Variants in ANKS1B observed in about 807,000 individuals in gnomAD.
ANKS1B encodes the protein ankyrin repeat and sterile alpha motif domain containing 1B.
ANKS1B carries 36 observed loss-of-function variants against 148.3 expected under a neutral mutation model. The observed-to-expected ratio is 0.24, with a 90% confidence interval of 0.19 to 0.32. The LOEUF is 0.32. Among genes scored for constraint, ANKS1B ranks in the 10% least tolerant of loss-of-function variants. ANKS1B has a pLI of 1.00. For missense variants in ANKS1B, 1,157 were observed against 1,542.6 expected, an observed-to-expected ratio of 0.75 and a Z score of 4.19; for synonymous variants, 542 against 560.8, an observed-to-expected ratio of 0.97 and a Z score of 0.47.
At chr12:99,290,117 G>A (rs982021325) in intron 12 of ANKS1B, among the ~76,000 whole-genome samples, 2 of 151,734 alleles carry the variant, frequency 1.3e-5, no homozygotes, top group South Asian at 2.1e-4. Flanking sequence ...TCAAATGATC[G>A]TTAGAGAATT....
Position 99,406,699 on chromosome 12 carries a change from G to T in ANKS1B, c.1576-6888C>A, listed in dbSNP as rs1320878596. Among the ~76,000 whole-genome samples, 6 of 145,676 alleles carry T rather than the reference G, an allele frequency of 4.1e-5. 1 individual carries two copies. The highest frequency in any genetic ancestry group is 1.6e-4 in the African/African-American group (6 of 38,550). ...CAGAAATAGATAAAATTGAAACAAA[G>T]AAAATACCATAAATGCTAAATAAAA... On this transcript the variant is annotated intron_variant, in intron 11 of 26. Coordinates refer to ENST00000683438, the MANE Select transcript of ANKS1B (RefSeq NM_001352186.2).
intron 1 of ANKS1B, among the ~76,000 whole-genome samples, chr12:99,888,031 C>A (rs1159095351): frequency 1.3e-5 from 2 of 152,136 alleles, no homozygotes; most frequent in African/African-American, 4.8e-5. Context: ...CAGAATTCAT[C>A]CAAGAAACAG....
chr12:99,128,756 T>C (rs2065179925), intron 15 of ANKS1B, among the ~76,000 whole-genome samples: 2 of 152,168 alleles, frequency 1.3e-5, no homozygotes. Flanking sequence ...TGTCACTGTT[T>C]GTGGTAGAAA....
chr12:99,918,846 C>G (rs1355259397), intron 1 of ANKS1B, among the ~76,000 whole-genome samples: 1 of 152,096 alleles, frequency 6.6e-6, no homozygotes, highest in African/African-American at 2.4e-5. Context: ...TAGCATGTAT[C>G]TATAAACACG....
chr12:99,532,141 T>G (rs750928753), intron 9 of ANKS1B, among the ~76,000 whole-genome samples: 3 of 152,208 alleles, frequency 2.0e-5, no homozygotes, highest in Non-Finnish European at 4.4e-5. Flanking sequence ...TCCCATTCTG[T>G]AGGTTGTCTG....
At chr12:99,749,258 A>C (rs1469438898) in intron 8 of ANKS1B, among the ~76,000 whole-genome samples, 1 of 152,082 alleles carries the variant, frequency 6.6e-6, no homozygotes, top group Non-Finnish European at 1.5e-5. Context: ...AATGTGATCA[A>C]ACTTAGAAAT....
Position 99,524,652 on chromosome 12 carries a change from G to T in ANKS1B, c.1273-20011C>A, listed in dbSNP as rs181771371. ...CTGGGTAATTTATAAAGAAAAAGAAGTTTAATGGACTCACAGTCCCATGTT... is the reference window on the plus strand; with the variant it reads ...CTGGGTAATTTATAAAGAAAAAGAATTTTAATGGACTCACAGTCCCATGTT... On this transcript the variant is annotated intron_variant, in intron 9 of 26. Transcript: ENST00000683438. Among the ~76,000 whole-genome samples the T allele has an allele frequency of 3.6e-3, 553 of 152,292 alleles. 4 individuals carry two copies. Among genetic ancestry groups the T allele is most frequent in the African/African-American group, 0.013 (535 of 41,568 alleles).
At chr12:99,596,552 A>G (rs1270804122) in intron 9 of ANKS1B, among the ~76,000 whole-genome samples, 1 of 151,910 alleles carries the variant, frequency 6.6e-6, no homozygotes, top group Non-Finnish European at 1.5e-5. Context: ...TTGACCTAGT[A>G]TGGGGGTAGG....
intron 12 of ANKS1B, among the ~76,000 whole-genome samples, chr12:99,305,881 G>C (rs1199888909): frequency 6.6e-6 from 1 of 152,142 alleles, no homozygotes; most frequent in Non-Finnish European, 1.5e-5. Flanking sequence ...TTCTAAAGCA[G>C]TGAACTCCTT....
intron 17 of ANKS1B, among the ~76,000 whole-genome samples, chr12:98,930,682 C>T (rs2099812893): frequency 6.6e-6 from 1 of 151,442 alleles, no homozygotes; most frequent in Admixed American, 6.6e-5. Context: ...AAAAAAAGAC[C>T]ACATATTGTA....
intron 16 of ANKS1B, among the ~76,000 whole-genome samples, chr12:99,060,653 TCA>T (rs35515489): frequency 0.4 from 49,766 of 125,914 alleles, 10,185 homozygotes; most frequent in Non-Finnish European, 0.48. Context: ...TATATACACA[TCA>T]CACACACACA....
At chr12:99,502,884 T>G (rs1170318704) in intron 10 of ANKS1B, among the ~76,000 whole-genome samples, 3 of 152,328 alleles carry the variant, frequency 2.0e-5, no homozygotes, top group Non-Finnish European at 4.4e-5. Context: ...ATCCATTTTT[T>G]TCACTTGTAC....
intron 9 of ANKS1B, among the ~76,000 whole-genome samples, chr12:99,586,692 A>G (rs2097645245): frequency 6.6e-6 from 1 of 152,200 alleles, no homozygotes; most frequent in Non-Finnish European, 1.5e-5. Context: ...CAAAGGAAAG[A>G]GGTTTAACTG....
At chr12:99,815,735 C>T (rs1225260557) in intron 2 of ANKS1B, among the ~76,000 whole-genome samples, 11 of 151,854 alleles carry the variant, frequency 7.2e-5, no homozygotes, top group South Asian at 2.1e-4. Context: ...GAAGTGAGAA[C>T]GCATGGTATT....
chr12:99,756,261 C>T (rs1468116048), intron 8 of ANKS1B, among the ~76,000 whole-genome samples: 2 of 152,034 alleles, frequency 1.3e-5, no homozygotes, highest in Admixed American at 6.6e-5. Flanking sequence ...GATACAAAAC[C>T]AATGTGCAAA....
chr12:99,788,121 AT>A (rs2153639973), intron 4 of ANKS1B, among the ~76,000 whole-genome samples: 1 of 152,338 alleles, frequency 6.6e-6, no homozygotes, highest in South Asian at 2.1e-4. Flanking sequence ...AGATTGGCGC[AT>A]GACCTAGGGA....
intron 9 of ANKS1B, among the ~76,000 whole-genome samples, chr12:99,524,215 C>G (rs761029234): frequency 3.9e-5 from 6 of 152,046 alleles, no homozygotes; most frequent in Non-Finnish European, 8.8e-5. Flanking sequence ...AATATGAAAT[C>G]AGAAGAAAAA....
chr12:99,617,022 C>G (rs1409267841), intron 9 of ANKS1B, among the ~76,000 whole-genome samples: 2 of 151,944 alleles, frequency 1.3e-5, no homozygotes, highest in Non-Finnish European at 2.9e-5. Flanking sequence ...ATTTATGTGG[C>G]CAAAAAACAC....
chr12:99,601,525 C>G (rs565302501), intron 9 of ANKS1B, among the ~76,000 whole-genome samples: 50 of 152,088 alleles, frequency 3.3e-4, no homozygotes, highest in Non-Finnish European at 5.2e-4. Flanking sequence ...ATATAATTGG[C>G]TTTACACAAA....
Sources: allele counts gnomAD v4.1 joint callset (sites outside exome capture counted in the v4.1 genomes callset), GRCh38; gene constraint gnomAD v4.1.1; transcripts MANE v1.5; gene names NCBI Gene and HGNC (gene_info 2026-07-23, HGNC 2026-07-21).